Variants in BCAS3 observed in about 807,000 individuals in gnomAD.
BCAS3 encodes BCAS4/BCAS3 fusion.
A neutral mutation model predicts 116.1 loss-of-function variants in BCAS3; 53 were observed. The ratio of observed to expected loss-of-function variants is 0.46; its 90% CI spans 0.37 to 0.57. The LOEUF is 0.57. Ranked by LOEUF, BCAS3 falls within the 20% of genes least tolerant of loss-of-function variation. The pLI is 0.00. For missense variants in BCAS3, 917 were observed against 1,165.4 expected, an observed-to-expected ratio of 0.79 and a Z score of 3.10; for synonymous variants, 391 against 408.2, an observed-to-expected ratio of 0.96 and a Z score of 0.51.
intron 7 of BCAS3, among the ~76,000 whole-genome samples, chr17:60,822,125 A>G (rs1377463935): frequency 6.6e-6 from 1 of 152,180 alleles, no homozygotes; most frequent in Admixed American, 6.5e-5. Flanking sequence ...TTGACCAGAT[A>G]CCTACAAGTA....
At chr17:60,711,195 A>G (rs1024520386) in intron 5 of BCAS3, among the ~76,000 whole-genome samples, 1 of 151,358 alleles carries the variant, frequency 6.6e-6, no homozygotes, top group Non-Finnish European at 1.5e-5. Flanking sequence ...GAGATAGAAG[A>G]ATCGTGCTGG....
chr17:60,862,851 A>G (rs1208111806), intron 7 of BCAS3, among the ~76,000 whole-genome samples: 1 of 152,156 alleles, frequency 6.6e-6, no homozygotes, highest in Non-Finnish European at 1.5e-5. Flanking sequence ...TTATTTTTTC[A>G]TAACATGGCA....
chr17:61,061,558 C>T (rs1448591181), intron 19 of BCAS3, among the ~76,000 whole-genome samples: 2 of 152,198 alleles, frequency 1.3e-5, no homozygotes, highest in Non-Finnish European at 2.9e-5. Context: ...ACATCGATTA[C>T]TGCACACAAT....
intron 7 of BCAS3, among the ~76,000 whole-genome samples, chr17:60,822,497 A>G (rs978852089): frequency 1.3e-5 from 2 of 152,196 alleles, no homozygotes; most frequent in Non-Finnish European, 2.9e-5. Flanking sequence ...AGCTATACCT[A>G]TGCTACTTTA....
chr17:61,076,039 A>G (rs973521292), intron 20 of BCAS3, among the ~76,000 whole-genome samples: 30 of 152,270 alleles, frequency 2.0e-4, no homozygotes, highest in African/African-American at 6.3e-4. Context: ...GATTACAGGC[A>G]AGAGCCACCA....
intron 7 of BCAS3, among the ~76,000 whole-genome samples, chr17:60,840,158 A>T (rs1200315239): frequency 6.6e-6 from 1 of 152,172 alleles, no homozygotes; most frequent in Non-Finnish European, 1.5e-5. Flanking sequence ...TAAAAAATAG[A>T]TGAGAGACAA....
chr17:60,947,543 A>AT (rs1189109453), intron 14 of BCAS3, among the ~76,000 whole-genome samples, 191 bp downstream of exon 14: 1 of 152,132 alleles, frequency 6.6e-6, no homozygotes, highest in African/African-American at 2.4e-5. Flanking sequence ...CTAGATGAAC[A>AT]TTTTTTTGTT....
chr17:61,263,498 A>T (rs732350), intron 22 of BCAS3, among the ~76,000 whole-genome samples: 1 of 152,154 alleles, frequency 6.6e-6, no homozygotes, highest in Non-Finnish European at 1.5e-5. Context: ...GATGCTGCCC[A>T]TGCAGAGGTC....
intron 10 of BCAS3, among the ~76,000 whole-genome samples, chr17:60,894,860 T>C (rs1187041889): frequency 6.6e-6 from 1 of 152,182 alleles, no homozygotes; most frequent in African/African-American, 2.4e-5. Flanking sequence ...TTGATGTGAT[T>C]ATCACTTATT....
chr17:61,254,445 GTTTTC>G (rs2048608984), intron 22 of BCAS3, among the ~76,000 whole-genome samples: 1 of 152,062 alleles, frequency 6.6e-6, no homozygotes, highest in Admixed American at 6.6e-5. Context: ...TGTCAAGTCA[GTTTTC>G]CTGTTTTGCT....
rs1019731523 is a variant in BCAS3, at chr17:61,028,578, A to G, written c.1638-6088A>G. Among the ~76,000 whole-genome samples the G allele has an allele frequency of 6.6e-6, 1 of 151,948 alleles. No individual in the cohort carries two copies. Among genetic ancestry groups the G allele is most frequent in the Non-Finnish European group, 1.5e-5 (1 of 67,836 alleles). On this transcript the variant is annotated intron_variant, in intron 16 of 23. Transcript: ENST00000407086. This position sits in a 1 kb window ranked among gnomAD's most constrained non-coding sequence, Gnocchi z 4.3. ...ATGTTAATAAAGATTGAAGTTTTGC[A>G]TAGAAGTAAAAGATGGAATAACAAC...
chr17:61,343,522 G>A lies in BCAS3; in HGVS notation c.2426-24805G>A, dbSNP rs2057320347. ...CCAGAAGTTCTGACTCTAGTCTGGA[G>A]TGGGCCTTGTAGCTCCATGCATTTG... On this transcript the variant is annotated intron_variant, in intron 22 of 23. Coordinates refer to ENST00000407086, the MANE Select transcript of BCAS3 (RefSeq NM_017679.5). This position sits in a 1 kb window ranked among gnomAD's most constrained non-coding sequence, Gnocchi z 5.5. Among the ~76,000 whole-genome samples the A allele has an allele frequency of 1.3e-5, 2 of 152,220 alleles. No homozygotes were observed. The highest frequency in any genetic ancestry group is 6.5e-5 in the Admixed American group (1 of 15,288).
intron 9 of BCAS3, among the ~76,000 whole-genome samples, chr17:60,889,032 A>G (rs1186911538): frequency 6.6e-6 from 1 of 152,322 alleles, no homozygotes; most frequent in Non-Finnish European, 1.5e-5. Flanking sequence ...TTCAATTTAC[A>G]CATCCCTGTA....
chr17:60,803,796 A>ATTTTTTTTTTTTTTTTTTTTTTTTTTTT, intron 6 of BCAS3, among the ~76,000 whole-genome samples: 1 of 89,310 alleles, frequency 1.1e-5, no homozygotes, highest in Non-Finnish European at 2.0e-5. Context: ...AACTATTACG[A>ATTTTTTTTTTTTTTTTTTTTTTTTTTTT]TTTTTTTTTT....
In BCAS3 at chr17:61,251,570, C is replaced by CA. The variant is rs35629112; in HGVS notation, c.2426-116743dup. Among the ~76,000 whole-genome samples, 1 of 141,422 alleles carries CA rather than the reference C, an allele frequency of 7.1e-6. No individual in the cohort carries two copies. The highest frequency in any genetic ancestry group is 2.0e-4 in the East Asian group (1 of 4,934). 92.8% of individuals were successfully genotyped at this position (141,422 alleles called of 152,430 possible). On this transcript the variant is annotated intron_variant, in intron 22 of 23. Coordinates refer to ENST00000407086, the MANE Select transcript of BCAS3 (RefSeq NM_017679.5). The surrounding 1 kb of genome is among the most constrained non-coding windows in gnomAD (Gnocchi z 4.7). The stretch of plus-strand genomic sequence containing the variant: ...GGGCAACAAGAGCGAAACTCCACCT[C>CA]AAAAAAAAAAAAAAGAAAAGAAAGA...
At position 61,097,169 on chromosome 17, in the gene BCAS3, T is replaced by G. The variant is rs2074028781; in HGVS notation, c.2425+12605T>G. On this transcript the variant is annotated intron_variant, in intron 22 of 23. Coordinates refer to ENST00000407086, the MANE Select transcript of BCAS3 (RefSeq NM_017679.5). The surrounding 1 kb of genome is among the most constrained non-coding windows in gnomAD (Gnocchi z 4.0). ...ATTTTAAGAAGCCTACTCTGTTTCT[T>G]TATTTGTTTTTTTCTTTTTTCTTTT... Among the ~76,000 whole-genome samples the G allele has an allele frequency of 6.6e-6, 1 of 151,966 alleles. No homozygotes were observed. Among genetic ancestry groups the G allele is most frequent in the Non-Finnish European group, 1.5e-5 (1 of 67,960 alleles).
At chr17:61,319,253 T>G (rs1271362496) in intron 22 of BCAS3, among the ~76,000 whole-genome samples, 1 of 152,220 alleles carries the variant, frequency 6.6e-6, no homozygotes, top group Non-Finnish European at 1.5e-5. Flanking sequence ...TCAGGATCAT[T>G]CTGACCCTTT....
chr17:60,871,928 G>A (rs1024497553), intron 8 of BCAS3, among the ~76,000 whole-genome samples: 2 of 151,702 alleles, frequency 1.3e-5, no homozygotes, highest in South Asian at 2.1e-4. Flanking sequence ...GTGTAGGATT[G>A]TTATTCTATT....
chr17:60,740,259 G>C (rs1358884065), intron 5 of BCAS3, among the ~76,000 whole-genome samples: 7 of 151,986 alleles, frequency 4.6e-5, no homozygotes, highest in East Asian at 1.9e-4. Flanking sequence ...GTTTGGGAGA[G>C]TGAGGCGGGT....
Sources: allele counts gnomAD v4.1 joint callset (sites outside exome capture counted in the v4.1 genomes callset), GRCh38; gene constraint gnomAD v4.1.1; non-coding constraint Gnocchi (gnomAD v3.1); transcripts MANE v1.5; gene names NCBI Gene and HGNC (gene_info 2026-07-23, HGNC 2026-07-21).